The following SPICE1 variants were observed in gnomAD, a reference collection of about 807,000 sequenced individuals.
SPICE1 encodes spindle and centriole-associated protein 1.
In SPICE1, 75 loss-of-function variants were observed where a neutral mutation model predicts 102.7. The observed-to-expected ratio is 0.73, with a 90% CI of 0.61 to 0.88. SPICE1 has a LOEUF of 0.88. Ranked by LOEUF, SPICE1 falls within the 40% of genes least tolerant of loss-of-function variation. The pLI, the probability that SPICE1 is intolerant of heterozygous loss-of-function variation, is 0.00. For missense variants in SPICE1, 979 were observed against 1,020.1 expected (o/e 0.96, Z 0.55); for synonymous variants, 308 against 350.3 (o/e 0.88, Z 1.35).
rs981242338 is a variant in SPICE1, at chr3:113,469,197, C to A, written c.653G>T (p.Ser218Ile). The A allele has an allele frequency of 1.9e-6, 3 of 1,597,770 alleles. No homozygotes were observed. Among genetic ancestry groups the A allele is most frequent in the Non-Finnish European group, 2.6e-6 (3 of 1,171,328 alleles). Reference sequence around the variant, plus strand: ...CTGCTGAATGTCAGTCCACAACTTACTAATTAACTCAAAATTCTCTTCTGT... The same window carrying A: ...CTGCTGAATGTCAGTCCACAACTTAATAATTAACTCAAAATTCTCTTCTGT... ...QLTEENFELI[S>I]KLWTDIQQKI... is the part of the protein sequence containing the mutation. Residue 218 changes from serine (S) to isoleucine (I), a missense_variant, in exon 8 of 18, where the codon AGT (serine) becomes ATT (isoleucine). Transcript: ENST00000295872.
At chr3:113,506,288 A>G (rs888187929) in intron 2 of SPICE1, among the ~76,000 whole-genome samples, 2 of 152,200 alleles carry the variant, frequency 1.3e-5, no homozygotes, top group Non-Finnish European at 2.9e-5. Flanking sequence ...TCTTCAGAGG[A>G]TATAGAGGTT....
intron 13 of SPICE1, among the ~76,000 whole-genome samples, chr3:113,455,831 T>C (rs2107449291): frequency 6.6e-6 from 1 of 152,360 alleles, no homozygotes; most frequent in Middle Eastern, 3.4e-3. Flanking sequence ...TCTATAGCAA[T>C]CCCTGACAAA....
At chr3:113,455,259 A>G (rs898080421) in intron 13 of SPICE1, among the ~76,000 whole-genome samples, 1 of 152,154 alleles carries the variant, frequency 6.6e-6, no homozygotes, top group South Asian at 2.1e-4. Context: ...AATGAAATGA[A>G]ACTGCACACC....
At chr3:113,451,684 T>C (rs1309298018) in intron 14 of SPICE1, among the ~76,000 whole-genome samples, 2 of 152,198 alleles carry the variant, frequency 1.3e-5, no homozygotes, top group Non-Finnish European at 2.9e-5. Context: ...ACTACAAATA[T>C]ATAAATGCCT....
At chr3:113,509,695 C>T (rs1178646123) in intron 1 of SPICE1, among the ~76,000 whole-genome samples, 1 of 152,118 alleles carries the variant, frequency 6.6e-6, no homozygotes, top group East Asian at 1.9e-4. Flanking sequence ...GCTTAGAACC[C>T]CTGCTGATAT....
At position 113,457,370 on chromosome 3, in the gene SPICE1, A is replaced by AGAGG; in HGVS notation, c.1436-17_1436-14dup. ...ACAACTGGACGCTCTGAAGAAGATG[A>AGAGG]GAGGATATTAGTACAATAGGAACAA... is the stretch of plus-strand genomic sequence containing the variant. On this transcript the variant is annotated splice_polypyrimidine_tract_variant and intron_variant, in intron 12 of 17. Transcript: ENST00000295872. 1 of 1,612,752 alleles carries AGAGG rather than the reference A, an allele frequency of 6.2e-7. No individual in the cohort carries two copies. Among genetic ancestry groups the AGAGG allele is most frequent in the East Asian group, 2.2e-5 (1 of 44,884 alleles).
intron 7 of SPICE1, among the ~76,000 whole-genome samples, chr3:113,483,864 T>G (rs1936579623): frequency 6.6e-6 from 1 of 152,162 alleles, no homozygotes; most frequent in African/African-American, 2.4e-5. Flanking sequence ...TCTGCCAGGA[T>G]TTGGTATCAG....
intron 1 of SPICE1, among the ~76,000 whole-genome samples, chr3:113,510,667 G>T (rs1380814434): frequency 6.6e-6 from 1 of 152,196 alleles, no homozygotes; most frequent in African/African-American, 2.4e-5. Context: ...AAAAACCCTA[G>T]AAGAAAATCT....
intron 14 of SPICE1, among the ~76,000 whole-genome samples, chr3:113,450,723 C>T (rs184356611): frequency 3.3e-5 from 5 of 152,052 alleles, no homozygotes; most frequent in Non-Finnish European, 7.4e-5. Context: ...ACTACAGGCA[C>T]CTGCCACCAC....
In SPICE1 at chr3:113,457,854, T is replaced by A. The variant is rs1935816909; in HGVS notation, c.1436-497A>T. On this transcript the variant is annotated intron_variant, in intron 12 of 17. Transcript: ENST00000295872. ...TTTGTATTCGTTGTAAAGACGGGGT[T>A]CACCATGCTGCCTAGGCTGGTAGAA... is the stretch of plus-strand genomic sequence containing the variant. 3.3e-5 allele frequency among the ~76,000 whole-genome samples: 5 copies of A among 152,324 alleles called. No individual in the cohort carries two copies. In the South Asian group the frequency reaches 1.0e-3, roughly 32 times the overall value.
chr3:113,464,131 A>G (rs765595001), intron 11 of SPICE1, among the ~76,000 whole-genome samples: 50 of 152,080 alleles, frequency 3.3e-4, no homozygotes, highest in African/African-American at 5.6e-4. Context: ...CTGGATTTAG[A>G]TAACAGTGCT....
At chr3:113,455,825 T>A (rs754665931) in intron 13 of SPICE1, among the ~76,000 whole-genome samples, 7 of 152,250 alleles carry the variant, frequency 4.6e-5, no homozygotes, top group Non-Finnish European at 8.8e-5. Flanking sequence ...ATGTTGTCTA[T>A]AGCAATCCCT....
At chr3:113,496,413 G>A (rs1318585425) in intron 4 of SPICE1, among the ~76,000 whole-genome samples, 1 of 116,130 alleles carries the variant, frequency 8.6e-6, no homozygotes, top group Admixed American at 8.0e-5. Flanking sequence ...AAGGATCCCA[G>A]TCTCTACAAA....
At position 113,442,813 on chromosome 3, in the gene SPICE1, T is replaced by A. The variant is rs1469551683; in HGVS notation, c.*2494A>T. ...CTGAAATGTCCTCTTTAATCAAGAT[T>A]TTCCAGGGCTTAAAAAAATGATTAT... is the stretch of plus-strand genomic sequence containing the variant. On this transcript the variant is annotated 3_prime_UTR_variant, in exon 18 of 18. Coordinates refer to ENST00000295872, the MANE Select transcript of SPICE1 (RefSeq NM_144718.4). 1 of 152,192 alleles carries A rather than the reference T, an allele frequency of 6.6e-6. No homozygotes were observed. Among genetic ancestry groups the A allele is most frequent in the African/African-American group, 2.4e-5 (1 of 41,442 alleles). The allele number at this position is 152,192 out of a possible 1,614,324, so 9.4% of individuals were successfully genotyped here. A position where few individuals can be genotyped will look rare whatever the true frequency, so the allele number is the denominator to read the frequency against.
intron 16 of SPICE1, 145 bp downstream of exon 16, chr3:113,447,893 T>G: frequency 1.5e-6 from 1 of 669,296 alleles, no homozygotes; most frequent in Non-Finnish European, 2.3e-6. Flanking sequence ...AAAATTCTCT[T>G]TTCCAATTAT....
chr3:113,494,444 G>GC (rs1411099689), intron 4 of SPICE1, among the ~76,000 whole-genome samples: 1 of 151,922 alleles, frequency 6.6e-6, no homozygotes, highest in East Asian at 1.9e-4. Flanking sequence ...TCAGGAGATC[G>GC]AGACCATCCC....
At chr3:113,472,917 C>T (rs556623188) in intron 7 of SPICE1, among the ~76,000 whole-genome samples, 17 of 152,248 alleles carry the variant, frequency 1.1e-4, no homozygotes, top group Middle Eastern at 3.4e-3. Context: ...TCACTACCAA[C>T]GGAACAAAGC....
chr3:113,467,480 C>T (rs1381726480), intron 10 of SPICE1, among the ~76,000 whole-genome samples: 3 of 152,080 alleles, frequency 2.0e-5, no homozygotes, highest in Non-Finnish European at 1.5e-5. Flanking sequence ...TTAGTAGAGA[C>T]AAGGTTTTAC....
intron 7 of SPICE1, among the ~76,000 whole-genome samples, chr3:113,474,272 C>T (rs1031319660): frequency 1.3e-5 from 2 of 151,994 alleles, no homozygotes; most frequent in Admixed American, 1.3e-4. Context: ...TACAGGAGCA[C>T]CCAGATTCAT....
Sources: allele counts gnomAD v4.1 joint callset (sites outside exome capture counted in the v4.1 genomes callset), GRCh38; gene constraint gnomAD v4.1.1; transcripts MANE v1.5; gene names NCBI Gene and HGNC (gene_info 2026-07-23, HGNC 2026-07-21).